Variants in PDZRN4 observed in about 807,000 individuals in gnomAD.
PDZRN4 encodes PDZ domain containing ring finger 4.
PDZRN4 carries 70 observed loss-of-function variants against 99.0 expected under a neutral mutation model. The ratio of observed to expected loss-of-function variants is 0.71; its 90% CI spans 0.58 to 0.86. The LOEUF is 0.86. PDZRN4 is among the 40% of genes least tolerant of loss of function. PDZRN4 has a pLI of 0.00. For synonymous variants in PDZRN4, 551 were observed against 501.6 expected, an observed-to-expected ratio of 1.10 and a Z score of -1.32; for missense variants, 1,474 against 1,331.2, an observed-to-expected ratio of 1.11 and a Z score of -1.67.
intron 3 of PDZRN4, among the ~76,000 whole-genome samples, chr12:41,488,092 A>G (rs936906642): frequency 6.6e-6 from 1 of 152,196 alleles, no homozygotes; most frequent in Non-Finnish European, 1.5e-5. Flanking sequence ...AACAAATGTT[A>G]CAAAGTATTA....
chr12:41,286,336 C>CTTTTT (rs71081721), intron 3 of PDZRN4, among the ~76,000 whole-genome samples: 381 of 106,134 alleles, frequency 3.6e-3, no homozygotes, highest in African/African-American at 6.0e-3. Context: ...CCTTCTTCTT[C>CTTTTT]TTTTTTTTTT....
Position 41,387,202 on chromosome 12 carries a change from T to G in PDZRN4, c.844-119254T>G, listed in dbSNP as rs143952975. ...ATAACCTAAAGAATGGGAGAATATT[T>G]TTTCAAACTATTCCTCTAACAAAGG... On this transcript the variant is annotated intron_variant, in intron 3 of 9. Coordinates refer to ENST00000402685, the MANE Select transcript of PDZRN4 (RefSeq NM_001164595.2). 4.6e-4 allele frequency among the ~76,000 whole-genome samples: 70 copies of G among 152,278 alleles called. No individual in the cohort carries two copies. In the East Asian group the frequency reaches 0.013, roughly 29 times the overall value.
At chr12:41,366,951 G>A (rs1398900620) in intron 3 of PDZRN4, among the ~76,000 whole-genome samples, 1 of 152,018 alleles carries the variant, frequency 6.6e-6, no homozygotes, top group East Asian at 1.9e-4. Flanking sequence ...GTGCTGGGGT[G>A]GTGATACAGA....
intron 3 of PDZRN4, among the ~76,000 whole-genome samples, chr12:41,345,169 A>G (rs772729922): frequency 1.6e-4 from 24 of 152,238 alleles, no homozygotes; most frequent in Non-Finnish European, 2.8e-4. Context: ...TTATCTCCCC[A>G]GCTGTCTTTA....
At chr12:41,270,978 A>G (rs527378900) in intron 3 of PDZRN4, among the ~76,000 whole-genome samples, 1 of 152,248 alleles carries the variant, frequency 6.6e-6, no homozygotes, top group African/African-American at 2.4e-5. Context: ...TTTTTACACA[A>G]TGAAATTTTA....
At chr12:41,288,559 A>G (rs558902272) in intron 3 of PDZRN4, among the ~76,000 whole-genome samples, 1 of 152,156 alleles carries the variant, frequency 6.6e-6, no homozygotes, top group Admixed American at 6.5e-5. Context: ...TCTTTAAAAA[A>G]TAGAAGTCGT....
Position 41,200,898 on chromosome 12 carries a change from G to A in PDZRN4, c.843+6710G>A, listed in dbSNP as rs376438725. On this transcript the variant is annotated intron_variant, in intron 3 of 9. Transcript: ENST00000402685. ...ATACGTTTGTTCCATCGTAGTATCCGAACTTTAACTAGAGATGATGCCTTA... is the reference window on the plus strand; with the variant it reads ...ATACGTTTGTTCCATCGTAGTATCCAAACTTTAACTAGAGATGATGCCTTA... 3.9e-5 allele frequency among the ~76,000 whole-genome samples: 6 copies of A among 151,984 alleles called. No homozygotes were observed. In the South Asian group the frequency reaches 6.2e-4, roughly 16 times the overall value.
At chr12:41,412,585 C>T (rs373569455) in intron 3 of PDZRN4, 21 of 152,060 alleles carry the variant, frequency 1.4e-4, no homozygotes, top group South Asian at 4.2e-4. Flanking sequence ...ACAAAAAGGA[C>T]GGTCAATATT....
Position 41,227,876 on chromosome 12 carries a change from TACACACACACACAC to T in PDZRN4, c.843+33719_843+33732del, listed in dbSNP as rs138441771. Reference sequence around the variant, plus strand: ...TGTCTTAAGAAAACAAGCAAAAATCTACACACACACACACACACACACACACACACACACACACA... The same window carrying T: ...TGTCTTAAGAAAACAAGCAAAAATCTACACACACACACACACACACACACA... On this transcript the variant is annotated intron_variant, in intron 3 of 9. Transcript: ENST00000402685. Among the ~76,000 whole-genome samples, 17 of 94,228 alleles carry T rather than the reference TACACACACACACAC, an allele frequency of 1.8e-4. No individual in the cohort carries two copies. The East Asian group carries it at 2.1e-3, about 12-fold the overall frequency. The allele number at this position is 94,228 out of a possible 152,430, so 61.8% of individuals were successfully genotyped here. A position where few individuals can be genotyped will look rare whatever the true frequency, so the allele number is the denominator to read the frequency against.
At chr12:41,439,633 G>C (rs1025140953) in intron 3 of PDZRN4, among the ~76,000 whole-genome samples, 3 of 152,130 alleles carry the variant, frequency 2.0e-5, no homozygotes, top group Non-Finnish European at 4.4e-5. Flanking sequence ...TAAAATGCTT[G>C]TCTGTGAGTT....
chr12:41,385,139 G>A (rs559290749), intron 3 of PDZRN4, among the ~76,000 whole-genome samples: 1 of 152,242 alleles, frequency 6.6e-6, no homozygotes, highest in East Asian at 1.9e-4. Context: ...AATGTGTAAG[G>A]AAATAATACT....
chr12:41,251,130 C>A (rs1951166983), intron 3 of PDZRN4, among the ~76,000 whole-genome samples: 1 of 152,144 alleles, frequency 6.6e-6, no homozygotes, highest in Non-Finnish European at 1.5e-5. Context: ...TTTTCTGCAG[C>A]TGATCTGGGT....
chr12:41,405,170 TA>T (rs1952336570), intron 3 of PDZRN4, among the ~76,000 whole-genome samples: 1 of 151,954 alleles, frequency 6.6e-6, no homozygotes, highest in Non-Finnish European at 1.5e-5. Context: ...ACAGACAACC[TA>T]CAGAATGGAA....
At chr12:41,542,101 T>C (rs1344664432) in intron 5 of PDZRN4, among the ~76,000 whole-genome samples, 1 of 152,218 alleles carries the variant, frequency 6.6e-6, no homozygotes, top group Non-Finnish European at 1.5e-5. Context: ...GGTCACCCCG[T>C]CCTTATGGAT....
chr12:41,229,497 A>G (rs146404149), intron 3 of PDZRN4, among the ~76,000 whole-genome samples: 114 of 152,160 alleles, frequency 7.5e-4, no homozygotes, highest in Non-Finnish European at 1.1e-3. Context: ...TGCACACTAC[A>G]TGAATACTGC....
chr12:41,447,572 G>T (rs988454819), intron 3 of PDZRN4, among the ~76,000 whole-genome samples: 1 of 151,936 alleles, frequency 6.6e-6, no homozygotes, highest in Non-Finnish European at 1.5e-5. Context: ...ACGTTTAAAG[G>T]GTATAACACA....
chr12:41,451,201 C>T (rs1385528806), intron 3 of PDZRN4, among the ~76,000 whole-genome samples: 1 of 151,616 alleles, frequency 6.6e-6, no homozygotes, highest in Non-Finnish European at 1.5e-5. Flanking sequence ...GAAAATATCT[C>T]CTCCTGAATT....
intron 5 of PDZRN4, among the ~76,000 whole-genome samples, chr12:41,545,509 ATGTGTGTGTGTGTG>A (rs61040270): frequency 0.022 from 3,143 of 143,054 alleles, 42 homozygotes; most frequent in Non-Finnish European, 0.032. Context: ...GATGATATTA[ATGTGTGTGTGTGTG>A]TGTGTGTGTG....
rs549638759 is a variant in PDZRN4 at position 41,457,666 on chromosome 12, A to C, written c.844-48790A>C. Among the ~76,000 whole-genome samples, 56 of 152,304 alleles carry C rather than the reference A, an allele frequency of 3.7e-4. No homozygotes were observed. The South Asian group carries it at 8.7e-3, about 24-fold the overall frequency. On this transcript the variant is annotated intron_variant, in intron 3 of 9. Transcript: ENST00000402685. ...CATCAATGCTTATTTTCCTTGTACC[A>C]ATGTCAGAAACATGGTATTTGTTTT... is the stretch of plus-strand genomic sequence containing the variant.
Sources: gnomAD v4.1 joint callset for allele counts (sites outside exome capture counted in the v4.1 genomes callset) on GRCh38, gnomAD v4.1.1 for gene constraint, MANE v1.5 for transcripts, NCBI Gene and HGNC (gene_info 2026-07-23, HGNC 2026-07-21) for gene names.